The following CYP4V2 variants were observed in gnomAD, a reference collection of about 807,000 sequenced individuals.
The protein encoded by CYP4V2 is cytochrome P450 family 4 subfamily V member 2.
A neutral mutation model predicts 60.8 loss-of-function variants in CYP4V2; 55 were observed. That is an observed-to-expected ratio of 0.90 (90% CI 0.73 to 1.13). CYP4V2 has a LOEUF of 1.13. CYP4V2 is among the 50% of genes most tolerant of loss of function. The pLI, the probability that CYP4V2 is intolerant of heterozygous loss-of-function variation, is 0.00. For synonymous variants in CYP4V2, 239 were observed against 236.8 expected, an observed-to-expected ratio of 1.01 and a Z score of -0.08; for missense variants, 675 against 662.9, an observed-to-expected ratio of 1.02 and a Z score of -0.20.
At position 186,191,715 on chromosome 4, in the gene CYP4V2, G is replaced by C. The variant is rs1388097032; in HGVS notation, c.-109G>C. The C allele has an allele frequency of 2.7e-6, 3 of 1,091,948 alleles. No individual in the cohort carries two copies. The highest frequency in any genetic ancestry group is 3.5e-6 in the Non-Finnish European group (3 of 852,010). 67.6% of individuals were successfully genotyped at this position (1,091,948 alleles called of 1,614,324 possible). A position where few individuals can be genotyped will look rare whatever the true frequency, so the allele number is the denominator to read the frequency against. On this transcript the variant is annotated 5_prime_UTR_variant, in exon 1 of 11. Coordinates refer to ENST00000378802, the MANE Select transcript of CYP4V2 (RefSeq NM_207352.4). ...CGGGCGACCCCGCAGCGGGGAGCGC[G>C]CCAGGTCCGCGCGGGGAAGTGGGCG... is the stretch of plus-strand genomic sequence containing the variant.
At position 186,195,975 on chromosome 4, in the gene CYP4V2, C is replaced by CTAG. The variant is rs1736135716; in HGVS notation, c.328-27_328-26insAGT. On this transcript the variant is annotated intron_variant, in intron 2 of 10. Coordinates refer to ENST00000378802, the MANE Select transcript of CYP4V2 (RefSeq NM_207352.4). This position sits in a 1 kb window ranked among gnomAD's most constrained non-coding sequence, Gnocchi z 4.1. ...GGAAGGTTGTTTGATGTCTGTATGT[C>CTAG]TCTAAAGTATGTTTTTCTCTTCCTA... 15 of 1,529,994 alleles carry CTAG rather than the reference C, an allele frequency of 9.8e-6. No individual in the cohort carries two copies. Among genetic ancestry groups the CTAG allele is most frequent in the Non-Finnish European group, 1.3e-5 (14 of 1,104,782 alleles). 94.8% of individuals were successfully genotyped at this position (1,529,994 alleles called of 1,614,324 possible). A position where few individuals can be genotyped will look rare whatever the true frequency, so the allele number is the denominator to read the frequency against.
At chr4:186,194,834 T>C (rs1011403026) in intron 2 of CYP4V2, among the ~76,000 whole-genome samples, 4 of 152,154 alleles carry the variant, frequency 2.6e-5, no homozygotes, top group Admixed American at 6.5e-5. Flanking sequence ...TGCTATCAGG[T>C]CCCTTTATAT....
At position 186,196,366 on chromosome 4, in the gene CYP4V2, C is replaced by T. The variant is rs764793048; in HGVS notation, c.413+278C>T. ...GGAGGTCCTGATGGACGGGAGTGGA[C>T]GGGATGGAGGACACAGTAAAGCAAA... On this transcript the variant is annotated intron_variant, in intron 3 of 10. Transcript: ENST00000378802. 3.9e-4 allele frequency: 184 copies of T among 475,248 alleles called. 1 individual carries two copies. Among genetic ancestry groups the T allele is most frequent in the Non-Finnish European group, 5.3e-4 (138 of 259,580 alleles). The allele number at this position is 475,248 out of a possible 1,614,324, so 29.4% of individuals were successfully genotyped here. A position where few individuals can be genotyped will look rare whatever the true frequency, so the allele number is the denominator to read the frequency against.
At chr4:186,208,373 G>A (rs1736593631) in intron 8 of CYP4V2, among the ~76,000 whole-genome samples, 1 of 150,502 alleles carries the variant, frequency 6.6e-6, no homozygotes, top group African/African-American at 2.5e-5. Context: ...GTATTTGATG[G>A]GTATTTAGCA....
At chr4:186,199,666 G>C (rs1360464363) in intron 6 of CYP4V2, among the ~76,000 whole-genome samples, 5 of 152,202 alleles carry the variant, frequency 3.3e-5, no homozygotes, top group African/African-American at 1.2e-4. Flanking sequence ...GGCATTGATA[G>C]CAGTATCTTA....
At chr4:186,207,550 T>C (rs956871850) in intron 8 of CYP4V2, among the ~76,000 whole-genome samples, 3 of 145,120 alleles carry the variant, frequency 2.1e-5, no homozygotes, top group Non-Finnish European at 4.5e-5. Context: ...ATATATAAAA[T>C]ATATTAAAAT....
chr4:186,204,261 CTGGCG>C (rs1736414638), intron 7 of CYP4V2: 1 of 162,414 alleles, frequency 6.2e-6, no homozygotes, highest in African/African-American at 2.5e-5. Context: ...AGACGCTACG[CTGGCG>C]TAAGACGCGG....
In CYP4V2 at chr4:186,208,895, A is replaced by G. The variant is rs1003072337; in HGVS notation, c.1121A>G (p.Asp374Gly). Reference sequence around the variant, plus strand: ...TCTGACCGTCCCGCTACAGTAGAAGACCTGAAGAAACTTCGGTATCTGGAA... The same window carrying G: ...TCTGACCGTCCCGCTACAGTAGAAGGCCTGAAGAAACTTCGGTATCTGGAA... ...GKSDRPATVE[D>G]LKKLRYLECV... The change falls in exon 9 of 11, where the codon GAC becomes GGC. Residue 374 changes from aspartate to glycine, a missense_variant. Transcript: ENST00000378802. 4 of 1,614,200 alleles carry G rather than the reference A, an allele frequency of 2.5e-6. No individual in the cohort carries two copies. The highest frequency in any genetic ancestry group is 1.3e-5 in the African/African-American group (1 of 75,048).
chr4:186,204,920 G>T, intron 7 of CYP4V2: 1 of 476,376 alleles, frequency 2.1e-6, no homozygotes, highest in Non-Finnish European at 3.8e-6. Flanking sequence ...AGCTCACCTC[G>T]TGCCCATGGA....
intron 8 of CYP4V2, among the ~76,000 whole-genome samples, 160 bp from the exon 9 acceptor site, chr4:186,208,705 G>A (rs2126600266): frequency 6.6e-6 from 1 of 152,240 alleles, no homozygotes; most frequent in Middle Eastern, 3.4e-3. Context: ...GGCATTTGAT[G>A]GGTATTTAGC....
At chr4:186,199,403 C>T (rs759634420) in intron 6 of CYP4V2, among the ~76,000 whole-genome samples, 2 of 152,194 alleles carry the variant, frequency 1.3e-5, no homozygotes, top group Non-Finnish European at 1.5e-5. Flanking sequence ...ATTAAGTACT[C>T]GCTAAGTGCT....
At chr4:186,193,723 A>G (rs147888622) in intron 1 of CYP4V2, among the ~76,000 whole-genome samples, 78 of 152,348 alleles carry the variant, frequency 5.1e-4, no homozygotes, top group African/African-American at 1.8e-3. Context: ...TGACCTCAAC[A>G]AAGTTGGGGA....
At chr4:186,192,356 C>CT in intron 1 of CYP4V2, 2 of 578,620 alleles carry the variant, frequency 3.5e-6, no homozygotes, top group Non-Finnish European at 6.5e-6. Flanking sequence ...CTTGGGAAGC[C>CT]TTAGGAACAG....
intron 8 of CYP4V2, among the ~76,000 whole-genome samples, chr4:186,207,602 TATTA>T (rs940508601): frequency 1.1e-4 from 17 of 149,100 alleles, no homozygotes; most frequent in African/African-American, 4.2e-4. Flanking sequence ...ACTTTGCAAG[TATTA>T]ATTCCTTAAA....
At chr4:186,204,873 T>G in intron 7 of CYP4V2, 1 of 393,380 alleles carries the variant, frequency 2.5e-6, no homozygotes, top group South Asian at 2.2e-5. Flanking sequence ...ACAAGCAGGC[T>G]CGTGAAAATC....
chr4:186,202,923 C>A (rs1736363799), intron 7 of CYP4V2: 1 of 149,738 alleles, frequency 6.7e-6, no homozygotes, highest in South Asian at 2.1e-4. Flanking sequence ...CCCACATGCA[C>A]ACATGCATGC....
rs1736118241 is a variant in CYP4V2 at position 186,195,257 on chromosome 4, CTAAT to C, written c.327+648_327+651del. Among the ~76,000 whole-genome samples, 2 of 152,178 alleles carry C rather than the reference CTAAT, an allele frequency of 1.3e-5. No individual in the cohort carries two copies. Among genetic ancestry groups the C allele is most frequent in the Non-Finnish European group, 2.9e-5 (2 of 68,022 alleles). On this transcript the variant is annotated intron_variant, in intron 2 of 10. Coordinates refer to ENST00000378802, the MANE Select transcript of CYP4V2 (RefSeq NM_207352.4). The surrounding 1 kb of genome is among the most constrained non-coding windows in gnomAD (Gnocchi z 4.1). ...GGAAGTAGTGCCAGGACATGTCTTT[CTAAT>C]TATGGTGAAAATGTTGGAGTTTCTC...
chr4:186,209,323 G>A lies in CYP4V2; in HGVS notation c.1405+51G>A, dbSNP rs1333350307. ...ACCTTTCAGGCCCACTTGATGGTGG[G>A]TTTCTCACAGTGATTTCTTTGAGAT... On this transcript the variant is annotated intron_variant, in intron 10 of 10. Coordinates refer to ENST00000378802, the MANE Select transcript of CYP4V2 (RefSeq NM_207352.4). The A allele has an allele frequency of 3.1e-6, 5 of 1,608,192 alleles. No homozygotes were observed. The Admixed American group carries it at 8.3e-5, about 27-fold the overall frequency.
In CYP4V2 at chr4:186,211,678, C is replaced by T. The variant is rs1736725411; in HGVS notation, c.*1037C>T. ...GAATACACACATACACACACACACA[C>T]ACACACACACACACACACATACACA... is the stretch of plus-strand genomic sequence containing the variant. On this transcript the variant is annotated 3_prime_UTR_variant, in exon 11 of 11. Coordinates refer to ENST00000378802, the MANE Select transcript of CYP4V2 (RefSeq NM_207352.4). 1.3e-5 allele frequency: 1 copy of T among 79,410 alleles called. No homozygotes were observed. The highest frequency in any genetic ancestry group is 3.0e-5 in the Non-Finnish European group (1 of 33,720). The allele number at this position is 79,410 out of a possible 1,614,324, so 4.9% of individuals were successfully genotyped here.
Sources: gnomAD v4.1 joint callset for allele counts (sites outside exome capture counted in the v4.1 genomes callset) on GRCh38, gnomAD v4.1.1 for gene constraint, Gnocchi (gnomAD v3.1) non-coding constraint, MANE v1.5 for transcripts, NCBI Gene and HGNC (gene_info 2026-07-23, HGNC 2026-07-21) for gene names.